Variants in ATP2B2 observed in about 807,000 individuals in gnomAD.
ATP2B2 encodes the protein plasma membrane calcium-transporting ATPase 2.
A neutral mutation model predicts 120.0 loss-of-function variants in ATP2B2; 15 were observed. The observed-to-expected ratio is 0.12, with a 90% CI of 0.08 to 0.19. The LOEUF is 0.19. ATP2B2 is among the 10% of genes least tolerant of loss of function. The pLI is 1.00. For missense variants in ATP2B2, 1,045 were observed against 1,719.8 expected, an observed-to-expected ratio of 0.61 and a Z score of 6.94; for synonymous variants, 694 against 700.3, an observed-to-expected ratio of 0.99 and a Z score of 0.14.
chr3:10,558,011 G>T (rs1281266320), intron 2 of ATP2B2, among the ~76,000 whole-genome samples: 1 of 152,150 alleles, frequency 6.6e-6, no homozygotes, highest in Non-Finnish European at 1.5e-5. Context: ...TAGAAATAAG[G>T]CAAGACAAGG....
At chr3:10,341,749 C>G (rs559126121) in intron 19 of ATP2B2, among the ~76,000 whole-genome samples, 1 of 152,180 alleles carries the variant, frequency 6.6e-6, no homozygotes, top group African/African-American at 2.4e-5. Flanking sequence ...AGGACCCCCG[C>G]TCTCCTCTCC....
At chr3:10,529,556 A>T (rs190986995) in intron 3 of ATP2B2, among the ~76,000 whole-genome samples, 2 of 152,364 alleles carry the variant, frequency 1.3e-5, no homozygotes, top group African/African-American at 4.8e-5. Flanking sequence ...AGACTTCTAG[A>T]GAATGATGTA....
At chr3:10,413,035 C>A (rs2062664071) in intron 2 of ATP2B2, among the ~76,000 whole-genome samples, 2 of 152,182 alleles carry the variant, frequency 1.3e-5, no homozygotes, top group Admixed American at 6.5e-5. Context: ...CTGATGGGAC[C>A]TCATGGTCTA....
chr3:10,682,145 A>G lies in ATP2B2; in HGVS notation c.-460+25770T>C, dbSNP rs189220356. 3.0e-3 allele frequency among the ~76,000 whole-genome samples: 457 copies of G among 152,332 alleles called. 3 individuals are homozygous for G. Among genetic ancestry groups the G allele is most frequent in the African/African-American group, 0.01 (421 of 41,568 alleles). ...ATATTGATTCCATAACACGAGACTG[A>G]TGGAAAGAAACCTCGAAGGCATAGT... On this transcript the variant is annotated intron_variant, in intron 1 of 21. Transcript: ENST00000646379.
intron 2 of ATP2B2, among the ~76,000 whole-genome samples, chr3:10,607,990 G>A (rs116685791): frequency 0.01 from 1,574 of 152,214 alleles, 26 homozygotes; most frequent in African/African-American, 0.036. Flanking sequence ...CTCATCAAGA[G>A]GCAGCATCAC....
At chr3:10,551,104 G>A (rs1361446544) in intron 2 of ATP2B2, among the ~76,000 whole-genome samples, 1 of 152,184 alleles carries the variant, frequency 6.6e-6, no homozygotes, top group Non-Finnish European at 1.5e-5. Flanking sequence ...GTTTTACGAA[G>A]GGGACTCCAG....
At chr3:10,679,846 G>T (rs2071339330) in intron 1 of ATP2B2, among the ~76,000 whole-genome samples, 1 of 152,204 alleles carries the variant, frequency 6.6e-6, no homozygotes, top group Non-Finnish European at 1.5e-5. Context: ...CCCAATGCAG[G>T]ATTGTGGTAT....
intron 1 of ATP2B2, among the ~76,000 whole-genome samples, chr3:10,701,430 A>G (rs1357225897): frequency 6.6e-6 from 1 of 152,234 alleles, no homozygotes; most frequent in Non-Finnish European, 1.5e-5. Flanking sequence ...ACAGCCTACC[A>G]TGAGTTTCTG....
chr3:10,521,988 G>A (rs990629637), intron 3 of ATP2B2, among the ~76,000 whole-genome samples: 1 of 152,188 alleles, frequency 6.6e-6, no homozygotes, highest in African/African-American at 2.4e-5. Flanking sequence ...TTCAACCCAC[G>A]TTTGTCAGGT....
intron 1 of ATP2B2, among the ~76,000 whole-genome samples, chr3:10,648,312 G>A (rs370387610): frequency 3.3e-5 from 5 of 151,956 alleles, no homozygotes; most frequent in African/African-American, 7.3e-5. Flanking sequence ...ACACCTTCCC[G>A]GCTTTCCTGA....
intron 1 of ATP2B2, among the ~76,000 whole-genome samples, chr3:10,478,838 G>A (rs951987827): frequency 6.6e-6 from 1 of 152,184 alleles, no homozygotes; most frequent in Non-Finnish European, 1.5e-5. Context: ...ATCTCATCTT[G>A]AATTGTAATT....
At chr3:10,398,223 C>T (rs1185563815) in intron 5 of ATP2B2, among the ~76,000 whole-genome samples, 2 of 152,210 alleles carry the variant, frequency 1.3e-5, no homozygotes, top group Non-Finnish European at 2.9e-5. Context: ...CACCAGATTA[C>T]CAGCGACCCA....
chr3:10,660,425 G>C (rs375329237), intron 1 of ATP2B2, among the ~76,000 whole-genome samples: 1 of 152,100 alleles, frequency 6.6e-6, no homozygotes, highest in African/African-American at 2.4e-5. Context: ...TATCACCAGC[G>C]ATCCCACAGA....
At chr3:10,649,688 C>T (rs1308225947) in intron 1 of ATP2B2, among the ~76,000 whole-genome samples, 3 of 152,150 alleles carry the variant, frequency 2.0e-5, no homozygotes, top group African/African-American at 4.8e-5. Context: ...TGTGTTCCCA[C>T]CCATATCTCA....
intron 1 of ATP2B2, among the ~76,000 whole-genome samples, chr3:10,501,240 C>T (rs564429206): frequency 1.4e-4 from 21 of 152,286 alleles, no homozygotes; most frequent in African/African-American, 4.6e-4. Flanking sequence ...AGGCTTTTAC[C>T]GTCACTCCCG....
chr3:10,385,395 T>A (rs930783955), intron 7 of ATP2B2, 68 bp from the exon 8 acceptor site: 23 of 1,383,038 alleles, frequency 1.7e-5, no homozygotes, highest in Non-Finnish European at 2.2e-5. Context: ...GACAAAGACA[T>A]GAACCAACTT....
intron 1 of ATP2B2, among the ~76,000 whole-genome samples, chr3:10,632,132 G>C (rs2069881647): frequency 6.6e-6 from 1 of 152,224 alleles, no homozygotes; most frequent in African/African-American, 2.4e-5. Flanking sequence ...GCCTGCAGAT[G>C]GTTTTTTGTG....
chr3:10,326,413 G>A lies in ATP2B2; in HGVS notation c.*2401C>T. 3.5e-6 allele frequency: 1 copy of A among 285,084 alleles called. No individual in the cohort carries two copies. Among genetic ancestry groups the A allele is most frequent in the East Asian group, 5.7e-5 (1 of 17,404 alleles). The allele number at this position is 285,084 out of a possible 1,614,324, so 17.7% of individuals were successfully genotyped here. On this transcript the variant is annotated 3_prime_UTR_variant, in exon 23 of 23. Coordinates refer to ENST00000360273, the MANE Select transcript of ATP2B2 (RefSeq NM_001001331.4). ...CAGGCTCCACTGAGAACCCCTCCTG[G>A]CTCCGAATGAACATGGAGCATGGTG...
In ATP2B2 at chr3:10,600,625, G is replaced by A. The variant is rs553874762; in HGVS notation, c.-415+19292C>T. ...AAGCCTCTGGTTTCAAACTCCAGAC[G>A]GGGCTGGTGCTCTGGTTCCTAATCA... is the stretch of plus-strand genomic sequence containing the variant. On this transcript the variant is annotated intron_variant, in intron 2 of 21. Coordinates refer to the ATP2B2 transcript ENST00000646379. 9.8e-5 allele frequency among the ~76,000 whole-genome samples: 15 copies of A among 152,338 alleles called. 1 individual carries two copies. The highest frequency in any genetic ancestry group is 3.1e-4 in the African/African-American group (13 of 41,574).
Sources: gnomAD v4.1 joint callset for allele counts (sites outside exome capture counted in the v4.1 genomes callset) on GRCh38, gnomAD v4.1.1 for gene constraint, MANE v1.5 for transcripts, NCBI Gene and HGNC (gene_info 2026-07-23, HGNC 2026-07-21) for gene names.